The following SULT6B1 variants were observed in gnomAD, a reference collection of about 807,000 sequenced individuals.
SULT6B1 encodes the protein sulfotransferase 6B1.
In SULT6B1, 44 loss-of-function variants were observed where a neutral mutation model predicts 37.2. The ratio of observed to expected loss-of-function variants is 1.18; its 90% CI spans 0.93 to 1.52. The LOEUF (loss-of-function observed/expected upper bound fraction) is 1.52. Among genes scored for constraint, SULT6B1 ranks in the 40% most tolerant of loss-of-function variants. The pLI is 0.00. For missense variants in SULT6B1, 450 were observed against 361.0 expected (o/e 1.25, Z -2.00); for synonymous variants, 140 against 126.0 (o/e 1.11, Z -0.74).
At chr2:37,172,050 ATT>A (rs58709199) in intron 5 of SULT6B1, among the ~76,000 whole-genome samples, 15,256 of 146,788 alleles carry the variant, frequency 0.1, 884 homozygotes, top group Admixed American at 0.14. Flanking sequence ...AACTTGAAGA[ATT>A]TTTTTTTTTT....
Position 37,168,064 on chromosome 2 carries a change from A to T in SULT6B1, c.783T>A (p.Gly261=), listed in dbSNP as rs1676217810. ...ACAAATTTTTCCAATCACCAACTTC[A>T]CCTACAACACACAAAAAACAGTAGA... ...GAVGPFLFRK[G]EVGDWKNLFS... The change falls in exon 7 of 7, where the codon GGT becomes GGA. Residue 261 remains glycine (G), a splice_region_variant and synonymous_variant. Transcript: ENST00000535679. 1 of 1,580,832 alleles carries T rather than the reference A, an allele frequency of 6.3e-7. No individual in the cohort carries two copies.
At chr2:37,186,262 A>G (rs938311334) in intron 2 of SULT6B1, among the ~76,000 whole-genome samples, 1 of 151,958 alleles carries the variant, frequency 6.6e-6, no homozygotes, top group Non-Finnish European at 1.5e-5. Context: ...TTTTACTGAG[A>G]CTGTGGTTCC....
upstream of SULT6B1, among the ~76,000 whole-genome samples, chr2:37,192,264 A>G (rs187406541): frequency 6.6e-6 from 1 of 152,348 alleles, no homozygotes; most frequent in African/African-American, 2.4e-5. Context: ...AAACAAGTAC[A>G]TCTTGGAATT....
chr2:37,192,641 G>A (rs547933347), upstream of SULT6B1, among the ~76,000 whole-genome samples: 36 of 152,274 alleles, frequency 2.4e-4, no homozygotes, highest in South Asian at 6.0e-3. Flanking sequence ...TCTGCTTAGC[G>A]GGATTATCCC....
intron 3 of SULT6B1, among the ~76,000 whole-genome samples, chr2:37,180,499 A>G (rs1676527571): frequency 6.6e-6 from 1 of 152,194 alleles, no homozygotes; most frequent in Non-Finnish European, 1.5e-5. Flanking sequence ...TTTTTTCAAC[A>G]TGGTTTTAGA....
At chr2:37,187,313 C>CT (rs758266519) in intron 2 of SULT6B1, 42 bp downstream of exon 2, 1 of 1,287,804 alleles carries the variant, frequency 7.8e-7, no homozygotes, top group Non-Finnish European at 1.1e-6. Context: ...AGAAATCTTT[C>CT]TATGATAATT....
chr2:37,171,387 A>T, intron 6 of SULT6B1, 47 bp downstream of exon 6: 1 of 1,579,402 alleles, frequency 6.3e-7, no homozygotes, highest in Non-Finnish European at 8.6e-7. Context: ...TTGTGTGCAA[A>T]GTCAGTCCCT....
chr2:37,168,070 A>C lies in SULT6B1; in HGVS notation c.782-5T>G. The C allele has an allele frequency of 6.3e-7, 1 of 1,578,380 alleles. No individual in the cohort carries two copies. Among genetic ancestry groups the C allele is most frequent in the South Asian group, 1.2e-5 (1 of 84,518 alleles). On this transcript the variant is annotated splice_region_variant and splice_polypyrimidine_tract_variant and intron_variant, in intron 6 of 6. Transcript: ENST00000535679. ...TTTTCCAATCACCAACTTCACCTACAACACACAAAAAACAGTAGACCCAGA... is the reference window on the plus strand; with the variant it reads ...TTTTCCAATCACCAACTTCACCTACCACACACAAAAAACAGTAGACCCAGA...
intron 3 of SULT6B1, among the ~76,000 whole-genome samples, chr2:37,182,252 AATT>A (rs1676568621): frequency 9.4e-6 from 1 of 106,254 alleles, no homozygotes; most frequent in African/African-American, 3.7e-5. Flanking sequence ...GCAGAAGTTA[AATT>A]TTTTTTTTTT....
At chr2:37,188,832 C>T (rs938490319), upstream of SULT6B1, among the ~76,000 whole-genome samples, 6 of 152,218 alleles carry the variant, frequency 3.9e-5, no homozygotes, top group African/African-American at 1.4e-4. Context: ...GCAAAACAGG[C>T]TGAGGATCAG....
At chr2:37,172,328 C>T (rs1285066908) in intron 5 of SULT6B1, among the ~76,000 whole-genome samples, 2 of 152,150 alleles carry the variant, frequency 1.3e-5, no homozygotes, top group African/African-American at 4.8e-5. Context: ...CTATAGAATA[C>T]AGCAGTTCCT....
At chr2:37,182,633 G>A (rs1676581202) in intron 3 of SULT6B1, among the ~76,000 whole-genome samples, 2 of 152,200 alleles carry the variant, frequency 1.3e-5, no homozygotes, top group Admixed American at 1.3e-4. Flanking sequence ...CCTGCAGGGA[G>A]TTTAAATAAA....
intron 6 of SULT6B1, among the ~76,000 whole-genome samples, 200 bp downstream of exon 6, chr2:37,171,234 C>T (rs540601296): frequency 1.1e-4 from 17 of 152,014 alleles, no homozygotes; most frequent in Admixed American, 1.0e-3. Context: ...AGCGAGACTC[C>T]GTCTCAAAAC....
At position 37,183,385 on chromosome 2, in the gene SULT6B1, T is replaced by C. The variant is rs768857515; in HGVS notation, c.402+40A>G. The C allele has an allele frequency of 7.3e-6, 11 of 1,517,224 alleles. No homozygotes were observed. In the Admixed American group the frequency reaches 8.6e-5, roughly 12 times the overall value. The allele number at this position is 1,517,224 out of a possible 1,614,324, so 94.0% of individuals were successfully genotyped here. ...ACTTCCAAAAACTAATATCTATACA[T>C]AGAAATTTCAAAGAATTATCAGTAG... On this transcript the variant is annotated intron_variant, in intron 3 of 6. Transcript: ENST00000535679.
At position 37,185,492 on chromosome 2, in the gene SULT6B1, G is replaced by A. The variant is rs373594159; in HGVS notation, c.312+1863C>T. On this transcript the variant is annotated intron_variant, in intron 2 of 6. Transcript: ENST00000535679. ...AGCACTTTGGGAGGCAGAGGAGGGT[G>A]GATCACTTGAGGTCAGGAGTTTGAG... is the stretch of plus-strand genomic sequence containing the variant. Among the ~76,000 whole-genome samples, 108 of 152,126 alleles carry A rather than the reference G, an allele frequency of 7.1e-4. 1 individual carries two copies. The South Asian group carries it at 0.022, about 31-fold the overall frequency.
At chr2:37,187,267 T>C in intron 2 of SULT6B1, 88 bp downstream of exon 2, 1 of 890,728 alleles carries the variant, frequency 1.1e-6, no homozygotes, top group South Asian at 1.5e-5. Flanking sequence ...AGCATTGCAC[T>C]TTCTAAACTG....
chr2:37,181,792 G>C (rs767824184), intron 3 of SULT6B1, among the ~76,000 whole-genome samples: 4 of 152,170 alleles, frequency 2.6e-5, no homozygotes, highest in Non-Finnish European at 5.9e-5. Flanking sequence ...GTTTATTATA[G>C]AGACACTAAG....
intron 5 of SULT6B1, among the ~76,000 whole-genome samples, chr2:37,172,240 G>A (rs936803203): frequency 1.3e-5 from 2 of 151,938 alleles, no homozygotes; most frequent in African/African-American, 4.8e-5. Context: ...TGTAGAGACA[G>A]GGTTTCGCCA....
chr2:37,193,735 C>T (rs1378265081), intron 1 of SULT6B1, among the ~76,000 whole-genome samples: 1 of 151,996 alleles, frequency 6.6e-6, no homozygotes, highest in African/African-American at 2.4e-5. Flanking sequence ...GAATGGACAG[C>T]AAACCTAGTA....
Sources: allele counts gnomAD v4.1 joint callset (sites outside exome capture counted in the v4.1 genomes callset), GRCh38; gene constraint gnomAD v4.1.1; transcripts MANE v1.5; gene names NCBI Gene and HGNC (gene_info 2026-07-23, HGNC 2026-07-21).